Variants in NTM observed in about 807,000 individuals in gnomAD.
NTM encodes IgLON family member 2.
NTM carries 13 observed loss-of-function variants against 42.1 expected under a neutral mutation model. The ratio of observed to expected loss-of-function variants is 0.31; its 90% CI spans 0.20 to 0.49. NTM has a LOEUF of 0.49. Among genes scored for constraint, NTM ranks in the 20% least tolerant of loss-of-function variants. The probability of loss-of-function intolerance (pLI) is 0.99; values close to 1 mark genes in which losing one functional copy is unlikely to be tolerated. For missense variants in NTM, 373 were observed against 452.8 expected (o/e 0.82, Z 1.60); for synonymous variants, 187 against 179.2 (o/e 1.04, Z -0.35).
intron 2 of NTM, among the ~76,000 whole-genome samples, chr11:132,104,782 G>A (rs961473114): frequency 4.0e-5 from 6 of 149,402 alleles, no homozygotes; most frequent in Non-Finnish European, 8.9e-5. Flanking sequence ...GTACATGCCT[G>A]TAGTTCCAGC....
chr11:132,143,613 G>T (rs1230794385), intron 2 of NTM, among the ~76,000 whole-genome samples: 1 of 152,148 alleles, frequency 6.6e-6, no homozygotes, highest in Non-Finnish European at 1.5e-5. Flanking sequence ...CACATAGTGG[G>T]CTCATGTAGT....
intron 1 of NTM, among the ~76,000 whole-genome samples, chr11:131,783,864 C>A (rs1184668993): frequency 2.0e-5 from 3 of 152,058 alleles, no homozygotes; most frequent in Admixed American, 2.0e-4. Flanking sequence ...AAATGGAAGA[C>A]AATATTATCA....
At chr11:132,106,067 G>A (rs1366667336) in intron 2 of NTM, among the ~76,000 whole-genome samples, 1 of 152,154 alleles carries the variant, frequency 6.6e-6, no homozygotes, top group African/African-American at 2.4e-5. Context: ...TCTGTAATAA[G>A]TCAGTGAAAT....
chr11:132,137,225 G>T (rs1263476562), intron 2 of NTM, among the ~76,000 whole-genome samples: 3 of 152,222 alleles, frequency 2.0e-5, no homozygotes. Flanking sequence ...ATAGTATGGG[G>T]TGACACACAC....
chr11:132,149,682 C>T (rs899523875), intron 3 of NTM, among the ~76,000 whole-genome samples: 10 of 152,150 alleles, frequency 6.6e-5, no homozygotes, highest in East Asian at 3.9e-4. Context: ...TGCAGACAGC[C>T]GTGAGGCCAA....
rs907871227 is a variant in NTM at position 132,003,356 on chromosome 11, A to G, written c.167+91708A>G. 4.6e-5 allele frequency among the ~76,000 whole-genome samples: 7 copies of G among 151,296 alleles called. No individual in the cohort carries two copies. The highest frequency in any genetic ancestry group is 4.6e-4 in the Admixed American group (7 of 15,130). ...AACCTCCTGGGCTCAAATGATCCTC[A>G]CACCTCAGCCTCCCTAGTAGCTGGG... On this transcript the variant is annotated intron_variant, in intron 2 of 8. Coordinates refer to ENST00000683400, the MANE Select transcript of NTM (RefSeq NM_001352005.2). This position sits in a 1 kb window ranked among gnomAD's most constrained non-coding sequence, Gnocchi z 6.0.
intron 1 of NTM, among the ~76,000 whole-genome samples, chr11:131,664,379 C>T (rs371551302): frequency 7.8e-4 from 119 of 152,332 alleles, no homozygotes; most frequent in African/African-American, 2.8e-3. Flanking sequence ...TTCCAAATTT[C>T]TGAATCTAGT....
intron 3 of NTM, among the ~76,000 whole-genome samples, chr11:132,169,320 CTTTTTTTTTT>C (rs567723794): frequency 3.9e-3 from 125 of 32,370 alleles, no homozygotes; most frequent in African/African-American, 0.011. Context: ...AATTTTTTTA[CTTTTTTTTTT>C]TTTTTTTTTT....
chr11:131,651,907 G>T (rs1359501396), intron 1 of NTM, among the ~76,000 whole-genome samples: 4 of 150,086 alleles, frequency 2.7e-5, no homozygotes, highest in Non-Finnish European at 5.9e-5. Flanking sequence ...CACTCCGGGG[G>T]AAGCTTAGGT....
chr11:132,095,170 G>A (rs1430613738), intron 2 of NTM, among the ~76,000 whole-genome samples: 1 of 152,210 alleles, frequency 6.6e-6, no homozygotes, highest in Non-Finnish European at 1.5e-5. Flanking sequence ...TACATTGAAG[G>A]CAGCTGTCTG....
At chr11:131,811,693 T>C (rs1231232442) in intron 1 of NTM, among the ~76,000 whole-genome samples, 1 of 152,188 alleles carries the variant, frequency 6.6e-6, no homozygotes, top group African/African-American at 2.4e-5. Flanking sequence ...AATGAGCTGC[T>C]GCAGAGTGAG....
At chr11:132,315,534 C>CTCCCCAATCCCTCATGTTAA (rs1257354303) in intron 7 of NTM, among the ~76,000 whole-genome samples, 1 of 152,190 alleles carries the variant, frequency 6.6e-6, no homozygotes, top group Non-Finnish European at 1.5e-5. Flanking sequence ...TCAAACCTGT[C>CTCCCCAATCCCTCATGTTAA]TCCCCAATCC....
chr11:131,586,197 C>T (rs779295587), intron 1 of NTM, among the ~76,000 whole-genome samples: 7 of 152,066 alleles, frequency 4.6e-5, no homozygotes, highest in Non-Finnish European at 1.0e-4. Context: ...CCTCAACCTC[C>T]CAGGCTCAAG....
At chr11:131,405,015 T>G (rs368244186) in intron 1 of NTM, among the ~76,000 whole-genome samples, 1 of 152,120 alleles carries the variant, frequency 6.6e-6, no homozygotes, top group South Asian at 2.1e-4. Flanking sequence ...AAAACAACAA[T>G]TAAGGGCTTT....
chr11:131,756,140 G>C (rs1412736739), intron 1 of NTM, among the ~76,000 whole-genome samples: 1 of 152,318 alleles, frequency 6.6e-6, no homozygotes, highest in East Asian at 1.9e-4. Context: ...TGTTAGTGAA[G>C]GGCAGGTGTT....
At chr11:132,312,717 G>A (rs1037629872) in intron 6 of NTM, 3 of 154,870 alleles carry the variant, frequency 1.9e-5, no homozygotes, top group Non-Finnish European at 4.4e-5. Context: ...CCTCCCCATG[G>A]TGGACGAATG....
intron 1 of NTM, among the ~76,000 whole-genome samples, chr11:131,711,729 C>G (rs1275174324): frequency 6.6e-6 from 1 of 151,770 alleles, no homozygotes; most frequent in African/African-American, 2.4e-5. Flanking sequence ...TTGGAACCAA[C>G]CCAAATGTCC....
chr11:131,909,312 C>T (rs1235191156), intron 1 of NTM, among the ~76,000 whole-genome samples: 3 of 152,148 alleles, frequency 2.0e-5, no homozygotes, highest in Non-Finnish European at 4.4e-5. Context: ...GTGGTATCTA[C>T]ATGTAAGTGA....
intron 1 of NTM, among the ~76,000 whole-genome samples, chr11:131,756,722 A>T: frequency 6.6e-6 from 1 of 152,302 alleles, no homozygotes; most frequent in South Asian, 2.1e-4. Flanking sequence ...ATCAGGGATT[A>T]TCTCATCTCA....
Sources: gnomAD v4.1 joint callset for allele counts (sites outside exome capture counted in the v4.1 genomes callset) on GRCh38, gnomAD v4.1.1 for gene constraint, Gnocchi (gnomAD v3.1) non-coding constraint, MANE v1.5 for transcripts, NCBI Gene and HGNC (gene_info 2026-07-23, HGNC 2026-07-21) for gene names.